Variants in PUM1 observed in about 807,000 individuals in gnomAD.
PUM1 encodes pumilio RNA binding family member 1, also known as pumilio homolog 1.
Under a neutral mutation model 131.8 loss-of-function variants are expected in PUM1, and 13 were observed. The observed-to-expected ratio is 0.10, with a 90% CI of 0.06 to 0.16. The LOEUF (loss-of-function observed/expected upper bound fraction) is 0.16. Ranked by LOEUF, PUM1 falls within the 10% of genes least tolerant of loss-of-function variation. The pLI is 1.00. For synonymous variants in PUM1, 509 were observed against 556.5 expected (o/e 0.91, Z 1.20); for missense variants, 961 against 1,512.4 (o/e 0.64, Z 6.05).
At chr1:30,998,472 TA>T (rs5773332) in intron 5 of PUM1, among the ~76,000 whole-genome samples, 8 of 150,634 alleles carry the variant, frequency 5.3e-5, no homozygotes, top group African/African-American at 1.7e-4. Context: ...ACGCCATCTC[TA>T]AAAAAAAAGT....
rs1261145789 is a variant in PUM1, at chr1:30,946,253, T to C, written c.2857-770A>G. Among the ~76,000 whole-genome samples, 4 of 151,868 alleles carry C rather than the reference T, an allele frequency of 2.6e-5. 1 individual carries two copies. The highest frequency in any genetic ancestry group is 1.3e-4 in the Admixed American group (2 of 15,224). On this transcript the variant is annotated intron_variant, in intron 17 of 21. Coordinates refer to ENST00000426105, the MANE Select transcript of PUM1 (RefSeq NM_001020658.2). ...AATATCCCTAATTTACAGAACATCA[T>C]AGCTAATCCTAGGCCCTCAGAAGTG...
chr1:31,060,106 C>T (rs562258820), intron 1 of PUM1, among the ~76,000 whole-genome samples: 7 of 151,186 alleles, frequency 4.6e-5, no homozygotes, highest in South Asian at 4.2e-4. Context: ...CCTCGGCCTC[C>T]GGAAGTGCTG....
At chr1:30,955,060 C>A (rs1417686420) in intron 14 of PUM1, among the ~76,000 whole-genome samples, 2 of 151,464 alleles carry the variant, frequency 1.3e-5, no homozygotes, top group Non-Finnish European at 2.9e-5. Context: ...CAGAGCAAGA[C>A]CTTGTCTCCA....
intron 11 of PUM1, 99 bp from the exon 12 acceptor site, chr1:30,967,409 T>A: frequency 1.6e-6 from 2 of 1,241,552 alleles, no homozygotes; most frequent in African/African-American, 1.5e-5. Flanking sequence ...AGCTTTGAGG[T>A]TGAATTGGCC....
intron 2 of PUM1, among the ~76,000 whole-genome samples, chr1:31,030,624 T>C (rs1019471853): frequency 2.0e-5 from 3 of 151,808 alleles, no homozygotes; most frequent in African/African-American, 7.3e-5. Context: ...GGTGGGAAGA[T>C]AGCCTGCACC....
At chr1:30,967,688 A>G (rs976418946) in intron 11 of PUM1, among the ~76,000 whole-genome samples, 17 of 152,360 alleles carry the variant, frequency 1.1e-4, no homozygotes, top group Admixed American at 6.5e-4. Flanking sequence ...CAAATGAAAC[A>G]GGTTAAAGTT....
chr1:31,050,905 CA>C, intron 2 of PUM1: 5 of 257,128 alleles, frequency 1.9e-5, no homozygotes, highest in Admixed American at 6.9e-5. Flanking sequence ...GAGCCACTCG[CA>C]AAAATTCAGC....
chr1:31,003,172 C>T (rs185683841), intron 5 of PUM1, among the ~76,000 whole-genome samples: 8 of 152,264 alleles, frequency 5.3e-5, no homozygotes, highest in Admixed American at 1.3e-4. Context: ...AGTAAAAATA[C>T]GTGGATGCCC....
chr1:30,952,683 C>A (rs949739187), intron 15 of PUM1, among the ~76,000 whole-genome samples: 19,923 of 41,228 alleles, frequency 0.48, 3,371 homozygotes, highest in Non-Finnish European at 0.51. Flanking sequence ...GCGGGGGGGG[C>A]GGGGGGGGGG....
At chr1:31,036,887 C>G (rs573014949) in intron 2 of PUM1, 7 of 154,092 alleles carry the variant, frequency 4.5e-5, no homozygotes, top group Middle Eastern at 3.4e-3. Context: ...AAGAGTATGA[C>G]TGTCCCATTT....
chr1:30,992,226 C>A (rs1313627887), intron 7 of PUM1, among the ~76,000 whole-genome samples, 164 bp downstream of exon 7: 2 of 152,202 alleles, frequency 1.3e-5, no homozygotes, highest in Non-Finnish European at 2.9e-5. Flanking sequence ...GGACCAGCTT[C>A]ATGAGGGGAC....
intron 6 of PUM1, 28 bp from the exon 7 acceptor site, chr1:30,992,688 A>C: frequency 6.3e-7 from 1 of 1,590,958 alleles, no homozygotes; most frequent in Middle Eastern, 1.7e-4. Context: ...AGGGCATTAA[A>C]CCTTATTTTC....
At position 30,967,214 on chromosome 1, in the gene PUM1, A is replaced by G; in HGVS notation, c.1742T>C (p.Leu581Pro). 1 of 1,614,166 alleles carries G rather than the reference A, an allele frequency of 6.2e-7. No homozygotes were observed. The highest frequency in any genetic ancestry group is 8.5e-7 in the Non-Finnish European group (1 of 1,180,006). Residue 581 changes from leucine to proline, a missense_variant, in exon 12 of 22, where the codon CTT becomes CCT. Physicochemically the swap from Leu to Pro is moderately conservative, Grantham distance 98. Coordinates refer to ENST00000426105, the MANE Select transcript of PUM1 (RefSeq NM_001020658.2). ...AATGATGACTGGGGCAGGAGCTACAAGTCGAACAGGAGCTCCAAGACCATT... is the reference window on the plus strand; with the variant it reads ...AATGATGACTGGGGCAGGAGCTACAGGTCGAACAGGAGCTCCAAGACCATT... ...ARNGLGAPVR[L>P]VAPAPVIISS...
At chr1:30,963,010 T>A (rs1174147217) in intron 14 of PUM1, among the ~76,000 whole-genome samples, 1 of 152,178 alleles carries the variant, frequency 6.6e-6, no homozygotes, top group Non-Finnish European at 1.5e-5. Context: ...CCTGAGTACA[T>A]CATGTAACAG....
intron 6 of PUM1, 27 bp from the exon 7 acceptor site, chr1:30,992,687 A>T: frequency 6.3e-7 from 1 of 1,592,440 alleles, no homozygotes; most frequent in Admixed American, 1.7e-5. Flanking sequence ...AAGGGCATTA[A>T]ACCTTATTTT....
rs1640153718 is a variant in PUM1, at chr1:30,956,080, G to A, written c.2324-2099C>T. 2.6e-5 allele frequency among the ~76,000 whole-genome samples: 4 copies of A among 152,164 alleles called. No individual in the cohort carries two copies. The South Asian group carries it at 8.3e-4, about 32-fold the overall frequency. On this transcript the variant is annotated intron_variant, in intron 14 of 21. Coordinates refer to ENST00000426105, the MANE Select transcript of PUM1 (RefSeq NM_001020658.2). ...TCAGAACAGGGCTCTTGACTCCAGG[G>A]TCAAGGCCCTTTCGGGGTCTGAAAT...
intron 2 of PUM1, among the ~76,000 whole-genome samples, chr1:31,036,304 C>T (rs1643610150): frequency 6.6e-6 from 1 of 152,114 alleles, no homozygotes; most frequent in Admixed American, 6.6e-5. Context: ...ACTCCGACCT[C>T]ATGATCCGCC....
intron 3 of PUM1, among the ~76,000 whole-genome samples, chr1:31,017,249 G>A (rs12085650): frequency 0.28 from 41,896 of 151,932 alleles, 7,310 homozygotes; most frequent in East Asian, 0.53. Context: ...AGAGTCAAAC[G>A]GACACGTAAT....
Position 30,992,610 on chromosome 1 carries a change from C to T in PUM1, c.938G>A (p.Gly313Asp), listed in dbSNP as rs1264667920. ...GCCCTCAGAACCATTCTGGTTTGGA[C>T]CCAGAAGATCCACTTCATTAGCAGA... Reference protein sequence around the residue: ...QNSANEVDLLGPNQNGSEGLA... With the variant: ...QNSANEVDLLDPNQNGSEGLA... The change falls in exon 7 of 22, where the codon GGT becomes GAT. Residue 313 changes from glycine to aspartate, a missense_variant. By Grantham distance (94) the Gly-to-Asp change is moderately conservative. Coordinates refer to ENST00000426105, the MANE Select transcript of PUM1 (RefSeq NM_001020658.2). The T allele has an allele frequency of 1.2e-6, 2 of 1,614,094 alleles. No individual in the cohort carries two copies. The highest frequency in any genetic ancestry group is 1.6e-4 in the Middle Eastern group (1 of 6,062).
Sources: gnomAD v4.1 joint callset for allele counts (sites outside exome capture counted in the v4.1 genomes callset) on GRCh38, gnomAD v4.1.1 for gene constraint, MANE v1.5 for transcripts, NCBI Gene and HGNC (gene_info 2026-07-23, HGNC 2026-07-21) for gene names.